Variants in GHR observed in about 807,000 individuals in gnomAD.
The protein encoded by GHR is growth hormone receptor.
In GHR, 35 loss-of-function variants were observed where a neutral mutation model predicts 67.1. The ratio of observed to expected loss-of-function variants is 0.52; its 90% CI spans 0.40 to 0.69. The LOEUF is 0.69. Among genes scored for constraint, GHR ranks in the 30% least tolerant of loss-of-function variants. The pLI is 0.00. For missense variants in GHR, 792 were observed against 764.6 expected (o/e 1.04, Z -0.42); for synonymous variants, 272 against 269.1 (o/e 1.01, Z -0.10).
chr5:42,468,435 A>G lies in GHR; in HGVS notation c.-12+44480A>G, dbSNP rs897907083. 5 of 961,382 alleles carry G rather than the reference A, an allele frequency of 5.2e-6. No homozygotes were observed. The African/African-American group carries it at 8.2e-5, about 16-fold the overall frequency. The allele number at this position is 961,382 out of a possible 1,614,324, so 59.6% of individuals were successfully genotyped here. On this transcript the variant is annotated intron_variant, in intron 1 of 9. Coordinates refer to ENST00000230882, the MANE Select transcript of GHR (RefSeq NM_000163.5). ...CTTCTTGAGTTTCCTCCCAGGGCCA[A>G]GATGAGTATTGCCTACGTGCGCAGC...
intron 7 of GHR, among the ~76,000 whole-genome samples, chr5:42,712,901 T>A (rs776581887): frequency 6.6e-6 from 1 of 151,260 alleles, no homozygotes; most frequent in Non-Finnish European, 1.5e-5. Context: ...TAAATACGTA[T>A]ATTTATAGCT....
intron 1 of GHR, among the ~76,000 whole-genome samples, chr5:42,509,377 C>T (rs1406985249): frequency 6.6e-6 from 1 of 152,204 alleles, no homozygotes; most frequent in Non-Finnish European, 1.5e-5. Flanking sequence ...CCTCTATCCT[C>T]AAGCCTCCAA....
rs1264386823 is a variant in GHR at position 42,628,609 on chromosome 5, A to G, written c.71-429A>G. Among the ~76,000 whole-genome samples the G allele has an allele frequency of 3.8e-5, 5 of 132,060 alleles. 2 individuals carry two copies. Among genetic ancestry groups the G allele is most frequent in the Non-Finnish European group, 8.0e-5 (5 of 62,430 alleles). The allele number at this position is 132,060 out of a possible 152,430, so 86.6% of individuals were successfully genotyped here. On this transcript the variant is annotated intron_variant, in intron 2 of 9. Transcript: ENST00000230882. ...ATCTGCAGTTGGTTAAAGGAACAAA[A>G]CTGTACAGAAGCTTCGAGTTAGCAA...
At position 42,530,891 on chromosome 5, in the gene GHR, C is replaced by T. The variant is rs535900602; in HGVS notation, c.-11-34973C>T. ...GTGGGGGTATCACTGTATGACATGCCGAAGAAATATACAAGGGAAATGCTC... is the reference window on the plus strand; with the variant it reads ...GTGGGGGTATCACTGTATGACATGCTGAAGAAATATACAAGGGAAATGCTC... On this transcript the variant is annotated intron_variant, in intron 1 of 9. Transcript: ENST00000230882. Among the ~76,000 whole-genome samples, 90 of 152,154 alleles carry T rather than the reference C, an allele frequency of 5.9e-4. 1 individual carries two copies. Among genetic ancestry groups the T allele is most frequent in the Admixed American group, 1.2e-3 (18 of 15,280 alleles).
At position 42,668,862 on chromosome 5, in the gene GHR, G is replaced by A. The variant is rs1015366363; in HGVS notation, c.137-20028G>A. 2.9e-4 allele frequency among the ~76,000 whole-genome samples: 44 copies of A among 152,100 alleles called. 1 individual carries two copies. The highest frequency in any genetic ancestry group is 1.1e-3 in the African/African-American group (44 of 41,424). ...TCATAAGTTAGAAATGTCAAAACTT[G>A]AAAATGCATTTAATACCCTGATAAA... On this transcript the variant is annotated intron_variant, in intron 3 of 9. Coordinates refer to ENST00000230882, the MANE Select transcript of GHR (RefSeq NM_000163.5).
chr5:42,440,030 T>G (rs1175438070), intron 1 of GHR, among the ~76,000 whole-genome samples: 1 of 152,236 alleles, frequency 6.6e-6, no homozygotes, highest in Non-Finnish European at 1.5e-5. Flanking sequence ...ATTGATAGCC[T>G]GAGTGTGAAA....
chr5:42,706,348 G>T (rs1188119700), intron 6 of GHR, among the ~76,000 whole-genome samples: 1 of 151,856 alleles, frequency 6.6e-6, no homozygotes, highest in East Asian at 1.9e-4. Flanking sequence ...TAGATTATCT[G>T]TTTTTTCAGT....
At position 42,713,484 on chromosome 5, in the gene GHR, G is replaced by A. The variant is rs1329251692; in HGVS notation, c.840G>A (p.Val280=). The change falls in exon 8 of 10, where the codon GTG becomes GTA. Residue 280 remains valine (V), a synonymous_variant. Transcript: ENST00000230882. ...IIIFGIFGLT[V]MLFVFLFSKQ... is the part of the protein sequence containing the mutation. ...TCTTTGGAATATTTGGGCTAACAGTGATGCTATTTGTATTCTTATTTTCTA... is the reference window on the plus strand; with the variant it reads ...TCTTTGGAATATTTGGGCTAACAGTAATGCTATTTGTATTCTTATTTTCTA... 8.7e-6 allele frequency: 13 copies of A among 1,496,504 alleles called. No homozygotes were observed. The highest frequency in any genetic ancestry group is 2.3e-5 in the East Asian group (1 of 44,216). 92.7% of individuals were successfully genotyped at this position (1,496,504 alleles called of 1,614,324 possible). A position where few individuals can be genotyped will look rare whatever the true frequency, so the allele number is the denominator to read the frequency against.
chr5:42,540,775 A>AT (rs1748473755), intron 1 of GHR, among the ~76,000 whole-genome samples: 1 of 150,966 alleles, frequency 6.6e-6, no homozygotes, highest in Non-Finnish European at 1.5e-5. Flanking sequence ...TACATTGCCC[A>AT]TGATCAACCC....
At chr5:42,592,844 A>G (rs1358909903) in intron 2 of GHR, among the ~76,000 whole-genome samples, 1 of 152,172 alleles carries the variant, frequency 6.6e-6, no homozygotes, top group Non-Finnish European at 1.5e-5. Context: ...GGCTGAACTA[A>G]TTTACATTCC....
Position 42,501,532 on chromosome 5 carries a change from A to G in GHR, c.-11-64332A>G, listed in dbSNP as rs181861382. On this transcript the variant is annotated intron_variant, in intron 1 of 9. Transcript: ENST00000230882. ...TCTTTCTCTAGAGTAAGGTATCTCAATCTATGCACTGTTGACATTTTGGGC... is the reference window on the plus strand; with the variant it reads ...TCTTTCTCTAGAGTAAGGTATCTCAGTCTATGCACTGTTGACATTTTGGGC... Among the ~76,000 whole-genome samples, 6 of 152,242 alleles carry G rather than the reference A, an allele frequency of 3.9e-5. No individual in the cohort carries two copies. The East Asian group carries it at 7.7e-4, about 20-fold the overall frequency.
At chr5:42,587,912 G>A (rs546175115) in intron 2 of GHR, among the ~76,000 whole-genome samples, 429 of 152,200 alleles carry the variant, frequency 2.8e-3, no homozygotes, top group Middle Eastern at 0.01. Flanking sequence ...CTTACTGTGA[G>A]TTATAATCGC....
chr5:42,599,773 T>C (rs1009285651), intron 2 of GHR, among the ~76,000 whole-genome samples: 23 of 152,228 alleles, frequency 1.5e-4, no homozygotes, highest in African/African-American at 5.5e-4. Context: ...TTCTTTTTTT[T>C]TATTGTCCCA....
chr5:42,464,571 G>A (rs1285725149), intron 1 of GHR, among the ~76,000 whole-genome samples: 1 of 152,152 alleles, frequency 6.6e-6, no homozygotes, highest in East Asian at 1.9e-4. Context: ...GGAAAAGTAG[G>A]AGGGTCATGA....
intron 1 of GHR, among the ~76,000 whole-genome samples, chr5:42,436,335 A>G (rs1343583691): frequency 1.3e-5 from 2 of 152,176 alleles, no homozygotes. Flanking sequence ...CCACTTGCTT[A>G]ACCCCTATTC....
At chr5:42,650,169 T>A (rs1027651277) in intron 3 of GHR, among the ~76,000 whole-genome samples, 2 of 152,146 alleles carry the variant, frequency 1.3e-5, no homozygotes, top group Admixed American at 6.6e-5. Context: ...TACTGAGGGC[T>A]CTTGTCTCCA....
intron 1 of GHR, among the ~76,000 whole-genome samples, chr5:42,562,425 CTTAG>C (rs1268926571): frequency 2.0e-5 from 3 of 152,148 alleles, no homozygotes; most frequent in Admixed American, 6.5e-5. Context: ...GGCCCCTGCA[CTTAG>C]TTAGAGTCGG....
At chr5:42,484,531 C>T (rs1038220332) in intron 1 of GHR, among the ~76,000 whole-genome samples, 3 of 152,222 alleles carry the variant, frequency 2.0e-5, no homozygotes, top group African/African-American at 7.2e-5. Context: ...TCCTTGCATT[C>T]TCTTCCAGAA....
At chr5:42,554,002 C>G (rs1419437953) in intron 1 of GHR, among the ~76,000 whole-genome samples, 3 of 152,012 alleles carry the variant, frequency 2.0e-5, no homozygotes, top group Non-Finnish European at 2.9e-5. Flanking sequence ...CAGGTGGGGG[C>G]AACTTTTGGG....
Sources: gnomAD v4.1 joint callset for allele counts (sites outside exome capture counted in the v4.1 genomes callset) on GRCh38, gnomAD v4.1.1 for gene constraint, MANE v1.5 for transcripts, NCBI Gene and HGNC (gene_info 2026-07-23, HGNC 2026-07-21) for gene names.